ZNF804B: variants seen among roughly 807,000 people sequenced by gnomAD.
ZNF804B encodes the protein zinc finger 804B.
Under a neutral mutation model 101.4 loss-of-function variants are expected in ZNF804B, and 80 were observed. That is an observed-to-expected ratio of 0.79 (90% CI 0.66 to 0.95). ZNF804B has a LOEUF of 0.95. Ranked by LOEUF, ZNF804B falls within the 40% of genes least tolerant of loss-of-function variation. The pLI is 0.00. For synonymous variants in ZNF804B, 622 were observed against 558.8 expected (o/e 1.11, Z -1.59); for missense variants, 1,673 against 1,561.9 (o/e 1.07, Z -1.20).
At chr7:89,065,781 A>G (rs1789447525) in intron 1 of ZNF804B, among the ~76,000 whole-genome samples, 1 of 152,036 alleles carries the variant, frequency 6.6e-6, no homozygotes, top group African/African-American at 2.4e-5. Flanking sequence ...TCTTCACATC[A>G]TCTCAACCTT....
chr7:89,107,134 A>T (rs1790147525), intron 1 of ZNF804B, among the ~76,000 whole-genome samples: 1 of 152,162 alleles, frequency 6.6e-6, no homozygotes, highest in Non-Finnish European at 1.5e-5. Flanking sequence ...AGTTTTACAT[A>T]TTAGTTAATA....
chr7:89,188,942 T>C (rs765310532), intron 1 of ZNF804B, among the ~76,000 whole-genome samples: 1 of 152,160 alleles, frequency 6.6e-6, no homozygotes, highest in Non-Finnish European at 1.5e-5. Flanking sequence ...CCAGAATATC[T>C]AGCTAAGATC....
intron 2 of ZNF804B, among the ~76,000 whole-genome samples, chr7:89,325,111 A>AT (rs771981244): frequency 1.3e-4 from 20 of 150,912 alleles, no homozygotes; most frequent in African/African-American, 2.9e-4. Flanking sequence ...GTTTCAGATG[A>AT]TTTTTTTTTC....
intron 1 of ZNF804B, among the ~76,000 whole-genome samples, chr7:88,980,153 T>A (rs1396162488): frequency 1.3e-5 from 2 of 152,018 alleles, no homozygotes; most frequent in Non-Finnish European, 2.9e-5. Context: ...TTGATTCTTT[T>A]AGGTTATTTT....
chr7:89,139,967 A>C (rs1790692727), intron 1 of ZNF804B, among the ~76,000 whole-genome samples: 1 of 152,088 alleles, frequency 6.6e-6, no homozygotes, highest in Non-Finnish European at 1.5e-5. Flanking sequence ...ATCTGTAGCA[A>C]CTATAGCCTT....
At chr7:89,003,741 C>T (rs7792033) in intron 1 of ZNF804B, among the ~76,000 whole-genome samples, 78,398 of 151,620 alleles carry the variant, frequency 0.52, 21,089 homozygotes, top group Middle Eastern at 0.63. Context: ...CTGCCTCTTA[C>T]ATTAGACTAC....
chr7:89,068,534 C>T (rs185354541), intron 1 of ZNF804B, among the ~76,000 whole-genome samples: 1 of 152,136 alleles, frequency 6.6e-6, no homozygotes, highest in Admixed American at 6.5e-5. Context: ...AAAAGTTACC[C>T]TGACATTTTT....
chr7:89,311,298 G>C (rs1363059306), intron 2 of ZNF804B, among the ~76,000 whole-genome samples: 1 of 152,138 alleles, frequency 6.6e-6, no homozygotes, highest in East Asian at 1.9e-4. Context: ...TTATATACTA[G>C]ACTATAGAGA....
chr7:88,859,620 A>G (rs1182545563), intron 1 of ZNF804B, among the ~76,000 whole-genome samples: 1 of 152,014 alleles, frequency 6.6e-6, no homozygotes, highest in Non-Finnish European at 1.5e-5. Context: ...GACAACTTAA[A>G]TCTAACAATT....
chr7:89,325,148 G>A (rs1340049398), intron 2 of ZNF804B, among the ~76,000 whole-genome samples: 1 of 151,820 alleles, frequency 6.6e-6, no homozygotes, highest in East Asian at 1.9e-4. Context: ...TCCTCACAGA[G>A]ATGCATTGTT....
chr7:89,165,000 C>T (rs531376400), intron 1 of ZNF804B, among the ~76,000 whole-genome samples: 1 of 152,110 alleles, frequency 6.6e-6, no homozygotes, highest in Non-Finnish European at 1.5e-5. Context: ...TTCTGTGTTA[C>T]TTTAAAATAT....
chr7:89,326,563 C>G (rs1187416048), intron 2 of ZNF804B, among the ~76,000 whole-genome samples: 1 of 152,030 alleles, frequency 6.6e-6, no homozygotes, highest in Non-Finnish European at 1.5e-5. Flanking sequence ...AAATACACTT[C>G]CAATTCAGGA....
At position 89,128,245 on chromosome 7, in the gene ZNF804B, A is replaced by G. The variant is rs2116375715; in HGVS notation, c.109-89910A>G. Among the ~76,000 whole-genome samples, 3 of 151,986 alleles carry G rather than the reference A, an allele frequency of 2.0e-5. 1 individual carries two copies. Among genetic ancestry groups the G allele is most frequent in the Middle Eastern group, 6.8e-3 (2 of 294 alleles). Reference sequence around the variant, plus strand: ...TTAAAGTCCTAGACATGTAGTTGTTAAGCAATATTAAAATTGAACACATAT... The same window carrying G: ...TTAAAGTCCTAGACATGTAGTTGTTGAGCAATATTAAAATTGAACACATAT... On this transcript the variant is annotated intron_variant, in intron 1 of 3. Transcript: ENST00000333190.
chr7:88,933,605 A>G (rs1460800177), intron 1 of ZNF804B, among the ~76,000 whole-genome samples: 1 of 152,064 alleles, frequency 6.6e-6, no homozygotes, highest in East Asian at 1.9e-4. Context: ...TACAAAATCA[A>G]CGTACGTGAA....
intron 1 of ZNF804B, among the ~76,000 whole-genome samples, chr7:89,114,286 A>G (rs1790275104): frequency 6.6e-6 from 1 of 152,200 alleles, no homozygotes; most frequent in African/African-American, 2.4e-5. Flanking sequence ...GTTTTACTTC[A>G]AAATTTAGCT....
intron 1 of ZNF804B, among the ~76,000 whole-genome samples, chr7:88,875,300 A>G (rs1001541014): frequency 5.9e-5 from 9 of 151,902 alleles, no homozygotes; most frequent in African/African-American, 1.9e-4. Context: ...GGCAAGAAAT[A>G]ACTAAAATCA....
At chr7:89,135,962 G>A (rs1469335392) in intron 1 of ZNF804B, among the ~76,000 whole-genome samples, 1 of 152,004 alleles carries the variant, frequency 6.6e-6, no homozygotes, top group Non-Finnish European at 1.5e-5. Flanking sequence ...AGATAAAGTA[G>A]AAAACTGAGA....
At chr7:89,071,866 C>G (rs1269928338) in intron 1 of ZNF804B, among the ~76,000 whole-genome samples, 1 of 151,886 alleles carries the variant, frequency 6.6e-6, no homozygotes, top group Non-Finnish European at 1.5e-5. Context: ...CTTTTCCTAC[C>G]TAATTGTGAG....
At chr7:89,001,019 T>C (rs1171451595) in intron 1 of ZNF804B, among the ~76,000 whole-genome samples, 2 of 144,984 alleles carry the variant, frequency 1.4e-5, no homozygotes, top group Non-Finnish European at 3.0e-5. Flanking sequence ...TATAGTATAA[T>C]ATAATATATA....
Sources: gnomAD v4.1 joint callset for allele counts (sites outside exome capture counted in the v4.1 genomes callset) on GRCh38, gnomAD v4.1.1 for gene constraint, MANE v1.5 for transcripts, NCBI Gene and HGNC (gene_info 2026-07-23, HGNC 2026-07-21) for gene names.